ULK4: variants seen among roughly 807,000 people sequenced by gnomAD.
ULK4 encodes inactive serine/threonine-protein kinase ULK4.
Under a neutral mutation model 160.6 loss-of-function variants are expected in ULK4, and 133 were observed. The observed-to-expected ratio is 0.83, with a 90% CI of 0.72 to 0.96. The LOEUF (loss-of-function observed/expected upper bound fraction) is 0.96. ULK4 is among the 40% of genes least tolerant of loss of function. ULK4 has a pLI of 0.00. For synonymous variants in ULK4, 534 were observed against 539.8 expected (o/e 0.99, Z 0.15); for missense variants, 1,580 against 1,499.5 (o/e 1.05, Z -0.89).
chr3:41,947,615 C>T (rs1700152423), intron 2 of ULK4, among the ~76,000 whole-genome samples: 1 of 152,190 alleles, frequency 6.6e-6, no homozygotes, highest in African/African-American at 2.4e-5. Context: ...GCACCCAGCA[C>T]ACTGGCTGGA....
rs552953207 is a variant in ULK4, at chr3:41,473,292, A to G, written c.3227-10039T>C. On this transcript the variant is annotated intron_variant, in intron 32 of 36. Transcript: ENST00000301831. The stretch of plus-strand genomic sequence containing the variant: ...AAGGCATCCATAAAGGAAAAAGTAG[A>G]ATTGTTGCTGTTTGTCAACAATATG... Among the ~76,000 whole-genome samples the G allele has an allele frequency of 4.6e-5, 7 of 152,342 alleles. No homozygotes were observed. The East Asian group carries it at 1.3e-3, about 29-fold the overall frequency.
intron 32 of ULK4, among the ~76,000 whole-genome samples, chr3:41,493,377 C>A (rs1273510417): frequency 7.1e-6 from 1 of 141,518 alleles, no homozygotes; most frequent in Non-Finnish European, 1.6e-5. Flanking sequence ...TCTTTGAAAC[C>A]AACGAGAACA....
At chr3:41,377,909 A>G (rs1260521467) in intron 35 of ULK4, among the ~76,000 whole-genome samples, 4 of 150,798 alleles carry the variant, frequency 2.7e-5, no homozygotes, top group Non-Finnish European at 5.9e-5. Context: ...ATGCTGCTAT[A>G]AAGACACATG....
At chr3:41,450,268 A>T (rs536241893) in intron 34 of ULK4, among the ~76,000 whole-genome samples, 4 of 152,124 alleles carry the variant, frequency 2.6e-5, no homozygotes, top group Non-Finnish European at 5.9e-5. Flanking sequence ...TATATTAGCC[A>T]TATCTTATAC....
intron 19 of ULK4, 129 bp downstream of exon 19, chr3:41,819,294 G>A (rs1362749409): frequency 7.7e-6 from 6 of 776,476 alleles, no homozygotes; most frequent in East Asian, 5.2e-5. Context: ...AGGTTGTCGG[G>A]ATTATTTAAA....
intron 35 of ULK4, among the ~76,000 whole-genome samples, chr3:41,266,753 ATAAAT>A (rs1267483088): frequency 6.6e-6 from 1 of 152,130 alleles, no homozygotes; most frequent in Non-Finnish European, 1.5e-5. Context: ...AGGCAGGAAA[ATAAAT>A]TAAGACCAAG....
At chr3:41,805,127 C>T (rs1197060174) in intron 19 of ULK4, among the ~76,000 whole-genome samples, 1 of 152,166 alleles carries the variant, frequency 6.6e-6, no homozygotes, top group Non-Finnish European at 1.5e-5. Context: ...ATGGAATGTT[C>T]TTCCATTTGT....
chr3:41,626,529 CT>C lies in ULK4; in HGVS notation c.3072-10813del, dbSNP rs767066822. On this transcript the variant is annotated intron_variant, in intron 30 of 36. Coordinates refer to ENST00000301831, the MANE Select transcript of ULK4 (RefSeq NM_017886.4). ...ACTTTTCATGTAAGAAAGTACATTG[CT>C]TTTTTTTTTTTTTTTGAGATGGAGT... is the stretch of plus-strand genomic sequence containing the variant. Among the ~76,000 whole-genome samples, 868 of 134,960 alleles carry C rather than the reference CT, an allele frequency of 6.4e-3. 1 individual carries two copies. The highest frequency in any genetic ancestry group is 9.3e-3 in the Non-Finnish European group (583 of 62,388). 88.5% of individuals were successfully genotyped at this position (134,960 alleles called of 152,430 possible). A position where few individuals can be genotyped will look rare whatever the true frequency, so the allele number is the denominator to read the frequency against.
intron 35 of ULK4, among the ~76,000 whole-genome samples, chr3:41,300,170 T>G (rs1465668866): frequency 6.6e-6 from 1 of 152,188 alleles, no homozygotes; most frequent in Non-Finnish European, 1.5e-5. Context: ...TGGTTACATT[T>G]CTTTGAATGG....
chr3:41,254,805 C>T (rs557572462), intron 35 of ULK4, among the ~76,000 whole-genome samples: 2 of 151,748 alleles, frequency 1.3e-5, no homozygotes, highest in East Asian at 3.9e-4. Flanking sequence ...ATTGCTTGAA[C>T]CCAGGAGGCA....
chr3:41,471,496 C>T (rs1575269891), intron 32 of ULK4, among the ~76,000 whole-genome samples: 2 of 152,230 alleles, frequency 1.3e-5, no homozygotes, highest in South Asian at 4.2e-4. Context: ...GACCAATGAA[C>T]TAACAGACAT....
At chr3:41,916,673 C>T (rs1309375573) in intron 7 of ULK4, among the ~76,000 whole-genome samples, 1 of 150,172 alleles carries the variant, frequency 6.7e-6, no homozygotes, top group Non-Finnish European at 1.5e-5. Context: ...ATTACAATTA[C>T]AAGTGTGAGC....
chr3:41,408,296 C>T (rs1408362784), intron 34 of ULK4, among the ~76,000 whole-genome samples: 6 of 151,404 alleles, frequency 4.0e-5, no homozygotes, highest in East Asian at 2.0e-4. Context: ...GGCATGGTGG[C>T]GGGCGCCTGT....
At chr3:41,249,359 T>C in intron 36 of ULK4, 130 bp downstream of exon 36, 1 of 797,406 alleles carries the variant, frequency 1.3e-6, no homozygotes. Flanking sequence ...AGGATCTCAG[T>C]GGACAGTGAT....
intron 19 of ULK4, among the ~76,000 whole-genome samples, chr3:41,817,066 C>G (rs891676098): frequency 6.7e-6 from 1 of 148,878 alleles, no homozygotes; most frequent in African/African-American, 2.5e-5. Flanking sequence ...TGTGGGGAAA[C>G]TGTGTGTGTG....
At chr3:41,503,511 T>C (rs970427804) in intron 32 of ULK4, among the ~76,000 whole-genome samples, 1 of 152,226 alleles carries the variant, frequency 6.6e-6, no homozygotes, top group Non-Finnish European at 1.5e-5. Flanking sequence ...CTTTATGCTA[T>C]GGGCACACCA....
intron 35 of ULK4, among the ~76,000 whole-genome samples, chr3:41,348,190 A>T (rs2080838621): frequency 6.7e-6 from 1 of 149,358 alleles, no homozygotes; most frequent in Non-Finnish European, 1.5e-5. Context: ...GCCTAGGCAA[A>T]AAAGTAACTC....
chr3:41,255,129 T>TACACACACACACACACACACAC (rs369404667), intron 35 of ULK4, among the ~76,000 whole-genome samples: 38 of 144,254 alleles, frequency 2.6e-4, no homozygotes, highest in African/African-American at 9.5e-4. Context: ...AAATTATGGC[T>TACACACACACACACACACACAC]ACACACACAC....
chr3:41,345,270 C>A (rs1005777127), intron 35 of ULK4, among the ~76,000 whole-genome samples: 1 of 152,186 alleles, frequency 6.6e-6, no homozygotes, highest in Non-Finnish European at 1.5e-5. Context: ...AATCCCATTA[C>A]TGGATATATA....
Sources: allele counts gnomAD v4.1 joint callset (sites outside exome capture counted in the v4.1 genomes callset), GRCh38; gene constraint gnomAD v4.1.1; transcripts MANE v1.5; gene names NCBI Gene and HGNC (gene_info 2026-07-23, HGNC 2026-07-21).